Variants in TMEM165 observed in about 807,000 individuals in gnomAD.
The protein encoded by TMEM165 is putative divalent cation/proton antiporter TMEM165.
In TMEM165, 19 loss-of-function variants were observed where a neutral mutation model predicts 30.0. The observed-to-expected ratio is 0.63, with a 90% CI of 0.44 to 0.93. The LOEUF is 0.93. Ranked by LOEUF, TMEM165 falls within the 40% of genes least tolerant of loss-of-function variation. The pLI, the probability that TMEM165 is intolerant of heterozygous loss-of-function variation, is 0.00. For synonymous variants in TMEM165, 168 were observed against 162.9 expected (o/e 1.03, Z -0.24); for missense variants, 340 against 417.0 (o/e 0.82, Z 1.61).
Position 55,448,819 on chromosome 4 carries a change from G to C in TMEM165, c.409-3420G>C, listed in dbSNP as rs200714161. ...TGGAATTGGTAAATTTGTAGCTTGA[G>C]ACATCACTGGCTGTGTTAATGATGA... On this transcript the variant is annotated intron_variant, in intron 3 of 3. Transcript: ENST00000608091. 5.0e-5 allele frequency: 81 copies of C among 1,613,870 alleles called. No homozygotes were observed. The highest frequency in any genetic ancestry group is 9.3e-6 in the Non-Finnish European group (11 of 1,179,960).
exon 4 of TMEM165, chr4:55,452,988 T>C (rs1724602023): frequency 6.3e-6 from 7 of 1,105,950 alleles, no homozygotes; most frequent in Non-Finnish European, 9.3e-6. Context: ...TTCCTATTAA[T>C]TATTGAGTTT....
intron 1 of TMEM165, among the ~76,000 whole-genome samples, chr4:55,410,328 G>A (rs1290921667): frequency 6.6e-6 from 1 of 152,178 alleles, no homozygotes; most frequent in Non-Finnish European, 1.5e-5. Flanking sequence ...TCCTTCATGC[G>A]AAGAGCTTAC....
chr4:55,446,851 A>G (rs1439966128), intron 3 of TMEM165, among the ~76,000 whole-genome samples: 1 of 152,204 alleles, frequency 6.6e-6, no homozygotes, highest in East Asian at 1.9e-4. Flanking sequence ...AACTGTATGT[A>G]AAAGTGAGAA....
At chr4:55,442,213 C>T in intron 3 of TMEM165, 2 of 546,078 alleles carry the variant, frequency 3.7e-6, no homozygotes, top group South Asian at 4.5e-5. Flanking sequence ...TATTTTGTAG[C>T]ATATTTTTGG....
At chr4:55,435,717 C>T in intron 3 of TMEM165, 3 of 950,310 alleles carry the variant, frequency 3.2e-6, no homozygotes, top group South Asian at 2.7e-5. Context: ...ATGCATATCA[C>T]TTTCACTCTC....
At chr4:55,442,616 T>G (rs1274041975) in intron 3 of TMEM165, 15 of 1,612,990 alleles carry the variant, frequency 9.3e-6, no homozygotes, top group African/African-American at 1.3e-5. Flanking sequence ...CTGTGCCCAC[T>G]CAGTACATTT....
At chr4:55,403,868 A>G (rs1488285645) in intron 1 of TMEM165, among the ~76,000 whole-genome samples, 1 of 151,546 alleles carries the variant, frequency 6.6e-6, no homozygotes, top group African/African-American at 2.4e-5. Flanking sequence ...CCACGTTCCT[A>G]TTCTCCTCCC....
At chr4:55,410,415 T>A (rs1344558711) in intron 1 of TMEM165, among the ~76,000 whole-genome samples, 1 of 152,146 alleles carries the variant, frequency 6.6e-6, no homozygotes. Context: ...TTAGGCCACT[T>A]TACCTTCTTT....
intron 3 of TMEM165, chr4:55,450,153 G>T: frequency 6.2e-7 from 1 of 1,614,114 alleles, no homozygotes; most frequent in Non-Finnish European, 8.5e-7. Context: ...GGCAGAAGGG[G>T]TTGGGCTGTG....
chr4:55,400,213 A>G (rs1463573476), intron 1 of TMEM165, among the ~76,000 whole-genome samples: 1 of 24,670 alleles, frequency 4.1e-5, no homozygotes, highest in Non-Finnish European at 5.7e-5. Flanking sequence ...ATTTATATTT[A>G]TATTATATAT....
chr4:55,427,499 C>T (rs565724224), downstream of TMEM165, among the ~76,000 whole-genome samples: 14 of 151,796 alleles, frequency 9.2e-5, no homozygotes, highest in South Asian at 1.9e-3. Context: ...CCCGCCACCA[C>T]GCCTGGCTAA....
At chr4:55,399,741 T>A (rs1390486809) in intron 1 of TMEM165, among the ~76,000 whole-genome samples, 1 of 152,098 alleles carries the variant, frequency 6.6e-6, no homozygotes, top group Non-Finnish European at 1.5e-5. Flanking sequence ...TAATTTTTTT[T>A]ATAGAGACAA....
At chr4:55,401,882 C>T (rs113513890) in intron 1 of TMEM165, among the ~76,000 whole-genome samples, 2,428 of 149,992 alleles carry the variant, frequency 0.016, 47 homozygotes, top group Non-Finnish European at 0.024. Context: ...TTTGGGAGGC[C>T]GAGGTGGGTG....
chr4:55,398,170 G>T (rs1470959543), intron 1 of TMEM165, among the ~76,000 whole-genome samples: 2 of 152,222 alleles, frequency 1.3e-5, no homozygotes. Context: ...ACATTTGTAA[G>T]AATCAGTGCT....
intron 2 of TMEM165, among the ~76,000 whole-genome samples, chr4:55,416,730 A>C (rs1468927552): frequency 6.6e-6 from 1 of 152,102 alleles, no homozygotes; most frequent in Non-Finnish European, 1.5e-5. Context: ...GCTAACTTCT[A>C]CCCCAGGTAC....
intron 4 of TMEM165, among the ~76,000 whole-genome samples, chr4:55,421,299 T>TC (rs1364065200): frequency 1.1e-4 from 13 of 115,984 alleles, no homozygotes; most frequent in African/African-American, 7.8e-4. Flanking sequence ...CTTTCTTTCT[T>TC]TTTTTTTTTT....
chr4:55,435,724 T>C (rs1278132601), intron 3 of TMEM165: 11 of 922,408 alleles, frequency 1.2e-5, no homozygotes, highest in African/African-American at 1.6e-5. Flanking sequence ...TCACTTTCAC[T>C]CTCTGGTTTA....
chr4:55,448,251 G>T (rs17085739), intron 3 of TMEM165, among the ~76,000 whole-genome samples: 6,574 of 152,128 alleles, frequency 0.043, 453 homozygotes, highest in African/African-American at 0.15. Flanking sequence ...TACACACAAA[G>T]AACTCAATAA....
At position 55,417,845 on chromosome 4, in the gene TMEM165, A is replaced by G. The variant is rs1721802537; in HGVS notation, c.652A>G (p.Thr218Ala). The G allele has an allele frequency of 6.2e-7, 1 of 1,612,664 alleles. No homozygotes were observed. The highest frequency in any genetic ancestry group is 1.7e-5 in the Admixed American group (1 of 59,696). ...KLLNGPGDVETGTSITVPQKK... is the reference protein window; with the variant it reads ...KLLNGPGDVEAGTSITVPQKK... Reference sequence around the variant, plus strand: ...TTTAAATGGACCGGGAGATGTTGAAACGGGTACAAGCATAACAGTACCTCA... The same window carrying G: ...TTTAAATGGACCGGGAGATGTTGAAGCGGGTACAAGCATAACAGTACCTCA... Residue 218 changes from threonine (T) to alanine (A), a missense_variant, in exon 4 of 6, where the codon ACG becomes GCG. This residue lies in a region of TMEM165 where 220 missense variants were observed against 307.6 expected (regional missense o/e 0.72). Coordinates refer to ENST00000381334, the MANE Select transcript of TMEM165 (RefSeq NM_018475.5).
Sources: gnomAD v4.1 joint callset for allele counts (sites outside exome capture counted in the v4.1 genomes callset) on GRCh38, gnomAD v4.1.1 for gene constraint, gnomAD v4.1.1 regional missense constraint, MANE v1.5 for transcripts, NCBI Gene and HGNC (gene_info 2026-07-23, HGNC 2026-07-21) for gene names.